The following CRISP3 variants were observed in gnomAD, a reference collection of about 807,000 sequenced individuals.
The protein encoded by CRISP3 is cysteine rich secretory protein 3, also known as cysteine-rich secretory protein 3.
A neutral mutation model predicts 36.1 loss-of-function variants in CRISP3; 33 were observed. The observed-to-expected ratio is 0.91, with a 90% CI of 0.69 to 1.22. The LOEUF (loss-of-function observed/expected upper bound fraction) is 1.22. Ranked by LOEUF, CRISP3 falls within the 50% of genes most tolerant of loss-of-function variation. The pLI is 0.00. For missense variants in CRISP3, 330 were observed against 301.2 expected (o/e 1.10, Z -0.71); for synonymous variants, 117 against 104.6 (o/e 1.12, Z -0.72).
chr6:49,733,909 C>T, intron 4 of CRISP3, 61 bp from the exon 5 acceptor site: 4 of 1,396,276 alleles, frequency 2.9e-6, no homozygotes, highest in South Asian at 1.2e-5. Flanking sequence ...AAAATACACA[C>T]AAACACACAC....
chr6:49,743,754 A>G (rs1769263852), intron 1 of CRISP3, among the ~76,000 whole-genome samples: 1 of 151,848 alleles, frequency 6.6e-6, no homozygotes, highest in Non-Finnish European at 1.5e-5. Context: ...GAGTAGACTG[A>G]CTTTTGACTG....
chr6:49,735,677 T>C, intron 3 of CRISP3, 86 bp from the exon 4 acceptor site: 4 of 914,626 alleles, frequency 4.4e-6, no homozygotes, highest in Non-Finnish European at 6.7e-6. Context: ...ATAGGTTGAT[T>C]TACATCATCA....
intron 1 of CRISP3, among the ~76,000 whole-genome samples, chr6:49,741,136 A>C (rs201462982): frequency 0.14 from 18,780 of 132,268 alleles, 1,439 homozygotes; most frequent in African/African-American, 0.21. Flanking sequence ...AAAAAAACAA[A>C]CAAAAAAAAA....
At chr6:49,741,954 A>G (rs1396011310) in intron 1 of CRISP3, among the ~76,000 whole-genome samples, 1 of 149,848 alleles carries the variant, frequency 6.7e-6, no homozygotes, top group African/African-American at 2.4e-5. Context: ...TAAAATTGTT[A>G]TTGTTTTCAA....
At chr6:49,730,892 A>G (rs1313092487) in intron 7 of CRISP3, among the ~76,000 whole-genome samples, 1 of 152,158 alleles carries the variant, frequency 6.6e-6, no homozygotes, top group African/African-American at 2.4e-5. Context: ...AAGTACAAAA[A>G]TTAATCAGGT....
At chr6:49,741,123 A>AC (rs1260127819) in intron 1 of CRISP3, among the ~76,000 whole-genome samples, 1 of 84,728 alleles carries the variant, frequency 1.2e-5, no homozygotes, top group African/African-American at 3.9e-5. Context: ...AAACAAACAA[A>AC]CAAAAAAAAC....
intron 4 of CRISP3, among the ~76,000 whole-genome samples, 169 bp from the exon 5 acceptor site, chr6:49,734,017 T>C (rs1393983991): frequency 1.3e-5 from 2 of 152,170 alleles, no homozygotes; most frequent in Non-Finnish European, 2.9e-5. Context: ...CCTCAGATCC[T>C]TATCAGCTAT....
In CRISP3 at chr6:49,733,205, A is replaced by T. The variant is rs780598667; in HGVS notation, c.550T>A (p.Tyr184Asn). Residue 184 changes from tyrosine to asparagine, a missense_variant, in exon 6 of 8, where the codon TAT becomes AAT. Physicochemically the swap from Tyr to Asn is moderately radical, Grantham distance 143 (BLOSUM62 -2). Coordinates refer to ENST00000263045, the MANE Select transcript of CRISP3 (RefSeq NM_006061.4). ...AAAATATATACTTACGCAGGACAAT[A>T]TTGGCAAACATAGTAGTATTTTAGA... ...KVLKYYYVCQ[Y>N]CPAGNWANRL... 6.3e-7 allele frequency: 1 copy of T among 1,583,788 alleles called. No homozygotes were observed. The highest frequency in any genetic ancestry group is 8.7e-7 in the Non-Finnish European group (1 of 1,155,708).
intron 2 of CRISP3, 37 bp from the exon 3 acceptor site, chr6:49,736,544 T>C (rs370809509): frequency 7.1e-7 from 1 of 1,407,276 alleles, no homozygotes; most frequent in Non-Finnish European, 1.0e-6. Context: ...CTTTTAACAT[T>C]GTTGGAAATT....
intron 1 of CRISP3, among the ~76,000 whole-genome samples, chr6:49,739,890 A>G (rs1769155241): frequency 6.6e-6 from 1 of 152,158 alleles, no homozygotes; most frequent in Non-Finnish European, 1.5e-5. Context: ...ATTTCACTTG[A>G]AAGAGTTATT....
At chr6:49,737,762 T>C (rs1769096963) in intron 1 of CRISP3, among the ~76,000 whole-genome samples, 1 of 152,346 alleles carries the variant, frequency 6.6e-6, no homozygotes, top group African/African-American at 2.4e-5. Flanking sequence ...AGCTTCCAAC[T>C]GTGTTTATTA....
rs562720346 is a variant in CRISP3 at position 49,730,678 on chromosome 6, T to G, written c.649+485A>C. Among the ~76,000 whole-genome samples, 3 of 152,314 alleles carry G rather than the reference T, an allele frequency of 2.0e-5. No homozygotes were observed. In the South Asian group the frequency reaches 6.2e-4, roughly 32 times the overall value. On this transcript the variant is annotated intron_variant, in intron 7 of 7. Transcript: ENST00000263045. ...GGTAAGTGTTTCAACAGGTTACATA[T>G]GATAACAGGCCAAATTTTACATTGC...
At chr6:49,739,772 A>T (rs986403889) in intron 1 of CRISP3, among the ~76,000 whole-genome samples, 3 of 152,092 alleles carry the variant, frequency 2.0e-5, no homozygotes, top group Non-Finnish European at 2.9e-5. Flanking sequence ...GAATGAAAAA[A>T]AAATAGCCTC....
chr6:49,731,770 G>A (rs1051789972), intron 6 of CRISP3, among the ~76,000 whole-genome samples: 2 of 152,266 alleles, frequency 1.3e-5, no homozygotes, highest in South Asian at 4.1e-4. Context: ...TGGCTTCTAG[G>A]TGGAGTGGTG....
At chr6:49,737,304 G>T in intron 2 of CRISP3, 21 bp downstream of exon 2, 1 of 1,608,784 alleles carries the variant, frequency 6.2e-7, no homozygotes, top group Non-Finnish European at 8.5e-7. Flanking sequence ...TTTTTCTGAA[G>T]ATTTTTGACT....
At chr6:49,735,835 C>T (rs1243660061) in intron 3 of CRISP3, among the ~76,000 whole-genome samples, 1 of 152,126 alleles carries the variant, frequency 6.6e-6, no homozygotes, top group Non-Finnish European at 1.5e-5. Flanking sequence ...AATTATTTAT[C>T]ACAGGACATC....
intron 7 of CRISP3, among the ~76,000 whole-genome samples, chr6:49,730,428 A>G (rs891424775): frequency 1.3e-5 from 2 of 152,106 alleles, no homozygotes; most frequent in Admixed American, 6.6e-5. Context: ...GGAAGTTAGT[A>G]TGATAAGTTC....
chr6:49,733,464 A>G (rs1290184861), intron 5 of CRISP3, among the ~76,000 whole-genome samples, 172 bp from the exon 6 acceptor site: 1 of 152,142 alleles, frequency 6.6e-6, no homozygotes, highest in East Asian at 1.9e-4. Context: ...ACTTTAAAAT[A>G]TTACATTTCC....
chr6:49,743,055 T>A (rs1001599520), intron 1 of CRISP3, among the ~76,000 whole-genome samples: 1 of 152,226 alleles, frequency 6.6e-6, no homozygotes, highest in Admixed American at 6.5e-5. Flanking sequence ...TTATTATGTA[T>A]CTGTGATACA....
Sources: allele counts gnomAD v4.1 joint callset (sites outside exome capture counted in the v4.1 genomes callset), GRCh38; gene constraint gnomAD v4.1.1; transcripts MANE v1.5; gene names NCBI Gene and HGNC (gene_info 2026-07-23, HGNC 2026-07-21).